The following TACR3 variants were observed in gnomAD, a reference collection of about 807,000 sequenced individuals.
TACR3 encodes tachykinin receptor 3.
In TACR3, 34 loss-of-function variants were observed where a neutral mutation model predicts 35.0. That is an observed-to-expected ratio of 0.97 (90% CI 0.74 to 1.30). The LOEUF is 1.30. Ranked by LOEUF, TACR3 falls within the 50% of genes most tolerant of loss-of-function variation. The pLI, the probability that TACR3 is intolerant of heterozygous loss-of-function variation, is 0.00. For synonymous variants in TACR3, 233 were observed against 221.1 expected, an observed-to-expected ratio of 1.05 and a Z score of -0.48; for missense variants, 558 against 591.7, an observed-to-expected ratio of 0.94 and a Z score of 0.59.
intron 3 of TACR3, among the ~76,000 whole-genome samples, chr4:103,616,235 T>C (rs1306689783): frequency 1.3e-5 from 2 of 152,128 alleles, no homozygotes; most frequent in Non-Finnish European, 2.9e-5. Flanking sequence ...CATATTATTA[T>C]AAAGATGTTT....
intron 3 of TACR3, among the ~76,000 whole-genome samples, chr4:103,597,891 T>C (rs1304069500): frequency 6.6e-6 from 1 of 152,198 alleles, no homozygotes; most frequent in Admixed American, 6.5e-5. Flanking sequence ...TTTGCTATTG[T>C]GAATAGTGCC....
intron 1 of TACR3, among the ~76,000 whole-genome samples, chr4:103,683,565 CA>C (rs978099820): frequency 6.9e-6 from 1 of 144,662 alleles, no homozygotes; most frequent in Non-Finnish European, 1.5e-5. Context: ...AACAGGCATT[CA>C]AAAAGAGTAT....
At chr4:103,655,727 A>C (rs573143752) in intron 3 of TACR3, among the ~76,000 whole-genome samples, 39 of 152,214 alleles carry the variant, frequency 2.6e-4, no homozygotes, top group African/African-American at 9.4e-4. Flanking sequence ...TGAGAGAGAA[A>C]TAAAAAGAGA....
chr4:103,675,860 A>AG (rs1429693382), intron 1 of TACR3, among the ~76,000 whole-genome samples: 3 of 151,992 alleles, frequency 2.0e-5, no homozygotes, highest in Non-Finnish European at 4.4e-5. Flanking sequence ...AGTGGAGGGG[A>AG]GGGGGCAGAG....
chr4:103,710,526 A>G (rs1578268279), intron 1 of TACR3, among the ~76,000 whole-genome samples: 1 of 152,310 alleles, frequency 6.6e-6, no homozygotes, highest in East Asian at 1.9e-4. Flanking sequence ...CTAAATGCCC[A>G]CAAGAGAAAG....
rs943948667 is a variant in TACR3 at position 103,586,892 on chromosome 4, T to A, written c.*2790A>T. 1 of 152,078 alleles carries A rather than the reference T, an allele frequency of 6.6e-6. No individual in the cohort carries two copies. The highest frequency in any genetic ancestry group is 1.5e-5 in the Non-Finnish European group (1 of 68,016). The allele number at this position is 152,078 out of a possible 1,614,324, so 9.4% of individuals were successfully genotyped here. On this transcript the variant is annotated 3_prime_UTR_variant, in exon 5 of 5. Coordinates refer to ENST00000304883, the MANE Select transcript of TACR3 (RefSeq NM_001059.3). ...CAATGTTTATTTTTGATTTAATGTA[T>A]TTTGTTTAAAAGAGAATACTTACAA...
chr4:103,697,019 T>C (rs1340241702), intron 1 of TACR3, among the ~76,000 whole-genome samples: 3 of 152,122 alleles, frequency 2.0e-5, no homozygotes, highest in Non-Finnish European at 4.4e-5. Context: ...TCTCAGTTGA[T>C]CCTCCCATTT....
rs1370243233 is a variant in TACR3, at chr4:103,710,811, T to G, written c.548+8317A>C. Among the ~76,000 whole-genome samples the G allele has an allele frequency of 1.3e-5, 2 of 151,968 alleles. 1 individual carries two copies. The highest frequency in any genetic ancestry group is 2.9e-5 in the Non-Finnish European group (2 of 68,010). On this transcript the variant is annotated intron_variant, in intron 1 of 4. Transcript: ENST00000304883. ...GCAATAAAAAATGATAAAGGGGATA[T>G]CACCACTGATCCCACGGAAATACGA...
In TACR3 at chr4:103,588,430, T is replaced by C. The variant is rs1034911090; in HGVS notation, c.*1252A>G. On this transcript the variant is annotated 3_prime_UTR_variant, in exon 5 of 5. Transcript: ENST00000304883. Reference sequence around the variant, plus strand: ...ACACTTAAAAGTATTTCTTGTTATGTTATGAGTCTCAGAAATGTGCTAGTA... The same window carrying C: ...ACACTTAAAAGTATTTCTTGTTATGCTATGAGTCTCAGAAATGTGCTAGTA... 1 of 152,144 alleles carries C rather than the reference T, an allele frequency of 6.6e-6. No homozygotes were observed. Among genetic ancestry groups the C allele is most frequent in the Non-Finnish European group, 1.5e-5 (1 of 67,998 alleles). 9.4% of individuals were successfully genotyped at this position (152,144 alleles called of 1,614,324 possible).
intron 1 of TACR3, among the ~76,000 whole-genome samples, chr4:103,694,301 A>T (rs1722476201): frequency 1.4e-5 from 2 of 145,352 alleles, no homozygotes; most frequent in South Asian, 4.1e-4. Flanking sequence ...TCCAGGGACT[A>T]ATCTTGAGAC....
intron 1 of TACR3, among the ~76,000 whole-genome samples, chr4:103,685,264 T>G (rs1275597482): frequency 6.6e-6 from 1 of 152,060 alleles, no homozygotes; most frequent in South Asian, 2.1e-4. Flanking sequence ...AAGTGAATAG[T>G]TGATAGTATT....
intron 3 of TACR3, among the ~76,000 whole-genome samples, chr4:103,612,410 G>T (rs1354393692): frequency 3.3e-5 from 5 of 151,946 alleles, no homozygotes; most frequent in Admixed American, 6.6e-5. Context: ...CTCTTTCATG[G>T]CTTATTTCCT....
Position 103,719,404 on chromosome 4 carries a change from G to T in TACR3, c.272C>A (p.Ala91Glu), listed in dbSNP as rs1430824648. ...TGCCACTGCCACCACCACACCATAC[G>T]CCAGGGACCAGAGCGCGATGCGCCA... ...PSWRIALWSL[A>E]YGVVVAVAVL... is the part of the protein sequence containing the mutation. The change falls in exon 1 of 5, where the codon GCG (alanine) becomes GAG (glutamate). Residue 91 changes from alanine (A) to glutamate (E), a missense_variant. By Grantham distance (107) the Ala-to-Glu change is moderately radical. Transcript: ENST00000304883. 3 of 1,614,218 alleles carry T rather than the reference G, an allele frequency of 1.9e-6. No individual in the cohort carries two copies. Among genetic ancestry groups the T allele is most frequent in the Non-Finnish European group, 2.5e-6 (3 of 1,180,036 alleles).
At chr4:103,645,980 C>A (rs1387886257) in intron 3 of TACR3, among the ~76,000 whole-genome samples, 2 of 151,972 alleles carry the variant, frequency 1.3e-5, no homozygotes, top group Non-Finnish European at 2.9e-5. Flanking sequence ...GCACAGCATG[C>A]AAAACCTGTC....
intron 1 of TACR3, among the ~76,000 whole-genome samples, chr4:103,693,558 G>A (rs557581585): frequency 2.0e-5 from 3 of 151,956 alleles, no homozygotes; most frequent in South Asian, 2.1e-4. Context: ...TTGTAAAAAT[G>A]TTTTGTCTAT....
intron 1 of TACR3, among the ~76,000 whole-genome samples, chr4:103,680,946 A>G (rs1415416406): frequency 6.6e-6 from 1 of 151,794 alleles, no homozygotes; most frequent in African/African-American, 2.4e-5. Context: ...GAGTAGTTTT[A>G]TTTCTGTTAA....
intron 1 of TACR3, among the ~76,000 whole-genome samples, chr4:103,680,960 A>AT (rs1286510476): frequency 2.0e-5 from 3 of 151,672 alleles, no homozygotes; most frequent in East Asian, 3.9e-4. Flanking sequence ...CTGTTAAGTT[A>AT]TTTTTTCTCT....
intron 3 of TACR3, among the ~76,000 whole-genome samples, chr4:103,637,103 C>G (rs529784683): frequency 6.6e-6 from 1 of 152,206 alleles, no homozygotes; most frequent in African/African-American, 2.4e-5. Flanking sequence ...CCAGCATCAT[C>G]CTGATACCAA....
intron 3 of TACR3, among the ~76,000 whole-genome samples, chr4:103,651,793 T>C (rs1400791748): frequency 2.0e-5 from 3 of 151,924 alleles, no homozygotes; most frequent in African/African-American, 7.3e-5. Flanking sequence ...AAAGGCTTTT[T>C]AGTCAGTCGG....
Sources: allele counts gnomAD v4.1 joint callset (sites outside exome capture counted in the v4.1 genomes callset), GRCh38; gene constraint gnomAD v4.1.1; transcripts MANE v1.5; gene names NCBI Gene and HGNC (gene_info 2026-07-23, HGNC 2026-07-21).